The following MUSK variants were observed in gnomAD, a reference collection of about 807,000 sequenced individuals.
MUSK encodes the protein muscle, skeletal receptor tyrosine-protein kinase.
A neutral mutation model predicts 88.7 loss-of-function variants in MUSK; 55 were observed. The ratio of observed to expected loss-of-function variants is 0.62; its 90% CI spans 0.50 to 0.78. MUSK has a LOEUF of 0.78. Among genes scored for constraint, MUSK ranks in the 30% least tolerant of loss-of-function variants. MUSK has a pLI of 0.00. For synonymous variants in MUSK, 387 were observed against 391.9 expected, an observed-to-expected ratio of 0.99 and a Z score of 0.15; for missense variants, 1,015 against 1,074.3, an observed-to-expected ratio of 0.94 and a Z score of 0.77.
At chr9:110,756,849 G>C (rs920282240) in intron 7 of MUSK, among the ~76,000 whole-genome samples, 14 of 150,024 alleles carry the variant, frequency 9.3e-5, no homozygotes, top group African/African-American at 3.2e-4. Flanking sequence ...TTGTATGTGT[G>C]TGTGTGTCTG....
rs145691472 is a variant in MUSK at position 110,681,344 on chromosome 9, C to T, written c.80-1330C>T. On this transcript the variant is annotated intron_variant, in intron 1 of 14. Transcript: ENST00000374448. The stretch of plus-strand genomic sequence containing the variant: ...TTTTTATTTACTCCTTTTGTGAAGG[C>T]CTTATAAATACAGTTTTGTTCATTT... Among the ~76,000 whole-genome samples the T allele has an allele frequency of 1.3e-3, 196 of 149,450 alleles. 2 individuals carry two copies. In the East Asian group the frequency reaches 0.036, roughly 28 times the overall value.
In MUSK at chr9:110,787,743, T is replaced by C. The variant is rs751296377; in HGVS notation, c.1832T>C (p.Leu611Pro). 1 of 1,613,944 alleles carries C rather than the reference T, an allele frequency of 6.2e-7. No individual in the cohort carries two copies. The highest frequency in any genetic ancestry group is 2.2e-5 in the East Asian group (1 of 44,892). ...TTCACTATGGTGGCAGTAAAGATGC[T>C]CAAAGAAGAAGCCTCGGCAGATATG... ...EPFTMVAVKM[L>P]KEEASADMQA... Residue 611 changes from leucine (L) to proline (P), a missense_variant, in exon 14 of 15, where the codon CTC (leucine) becomes CCC (proline). Transcript: ENST00000374448.
rs575303490 is a variant in MUSK, at chr9:110,768,570, G to C, written c.1184+487G>C. 3.3e-5 allele frequency among the ~76,000 whole-genome samples: 5 copies of C among 152,136 alleles called. 1 individual carries two copies. In the South Asian group the frequency reaches 1.0e-3, roughly 31 times the overall value. ...TCACTAAAGATAACCTAAAATACAA[G>C]TACTTAGAACCTCTAGAAAATATCA... is the stretch of plus-strand genomic sequence containing the variant. On this transcript the variant is annotated intron_variant, in intron 9 of 14. Transcript: ENST00000374448.
Position 110,800,419 on chromosome 9 carries a change from A to G in MUSK, c.2041A>G (p.Ser681Gly), listed in dbSNP as rs374669213. The change falls in exon 15 of 15, where the codon AGT becomes GGT. Residue 681 changes from serine (S) to glycine (G), a missense_variant. Ser to Gly is a moderately conservative substitution (Grantham distance 56, BLOSUM62 0). Transcript: ENST00000374448. ...TCACACCGTGTGCAGCCTCAGTCAC[A>G]GTGACTTGTCTATGAGGGCTCAGGT... Reference protein sequence around the residue: ...SPHTVCSLSHSDLSMRAQVSS... With the variant: ...SPHTVCSLSHGDLSMRAQVSS... The G allele has an allele frequency of 1.2e-6, 2 of 1,613,716 alleles. No homozygotes were observed. The highest frequency in any genetic ancestry group is 2.7e-5 in the African/African-American group (2 of 74,850).
In MUSK at chr9:110,697,488, C is replaced by A. The variant is rs41279053; in HGVS notation, c.628+22C>A. On this transcript the variant is annotated intron_variant, in intron 5 of 14. Transcript: ENST00000374448. Reference sequence around the variant, plus strand: ...GAGGGTAAGGAGCTGCATTTCTTCCCCTGACTGTGTGACCAGGGGCCTCAC... The same window carrying A: ...GAGGGTAAGGAGCTGCATTTCTTCCACTGACTGTGTGACCAGGGGCCTCAC... 6 of 1,601,322 alleles carry A rather than the reference C, an allele frequency of 3.7e-6. No homozygotes were observed. The East Asian group carries it at 9.0e-5, about 24-fold the overall frequency.
chr9:110,774,276 T>A (rs2077629336), intron 9 of MUSK, among the ~76,000 whole-genome samples: 2 of 152,214 alleles, frequency 1.3e-5, no homozygotes, highest in Non-Finnish European at 1.5e-5. Flanking sequence ...TGAAGATTGT[T>A]AAGTGTTGGT....
intron 1 of MUSK, among the ~76,000 whole-genome samples, chr9:110,676,197 A>T (rs1304121070): frequency 6.6e-6 from 1 of 151,790 alleles, no homozygotes; most frequent in Non-Finnish European, 1.5e-5. Flanking sequence ...ATACAGAAAA[A>T]CAAAAATATA....
chr9:110,768,930 T>A (rs934528241), intron 9 of MUSK, among the ~76,000 whole-genome samples: 2 of 152,230 alleles, frequency 1.3e-5, no homozygotes, highest in African/African-American at 4.8e-5. Flanking sequence ...TTATGTTCAA[T>A]AGAATTATCT....
chr9:110,694,335 G>A lies in MUSK; in HGVS notation c.359-1068G>A, dbSNP rs372915719. ...CGGGAGGCGGAACTTGCAGTGGGCC[G>A]AGATCGCGCCACTGCACTCCAGCCT... is the stretch of plus-strand genomic sequence containing the variant. On this transcript the variant is annotated intron_variant, in intron 3 of 14. Transcript: ENST00000374448. Among the ~76,000 whole-genome samples the A allele has an allele frequency of 4.3e-4, 60 of 140,724 alleles. No individual in the cohort carries two copies. The East Asian group carries it at 0.01, about 24-fold the overall frequency. The allele number at this position is 140,724 out of a possible 152,430, so 92.3% of individuals were successfully genotyped here. A position where few individuals can be genotyped will look rare whatever the true frequency, so the allele number is the denominator to read the frequency against.
chr9:110,762,188 T>C lies in MUSK; in HGVS notation c.914-14T>C. The C allele has an allele frequency of 6.9e-7, 1 of 1,443,796 alleles. No homozygotes were observed. The highest frequency in any genetic ancestry group is 9.1e-7 in the Non-Finnish European group (1 of 1,093,374). The allele number at this position is 1,443,796 out of a possible 1,614,324, so 89.4% of individuals were successfully genotyped here. On this transcript the variant is annotated splice_polypyrimidine_tract_variant and intron_variant, in intron 7 of 14. Coordinates refer to ENST00000374448, the MANE Select transcript of MUSK (RefSeq NM_005592.4). ...AATTTGACTTCCTGTGGGAACTTCC[T>C]TTCCTGTTAATAGAATGGAGGTAAG...
chr9:110,718,721 G>C (rs1000349386), intron 5 of MUSK, among the ~76,000 whole-genome samples: 2 of 152,094 alleles, frequency 1.3e-5, no homozygotes, highest in African/African-American at 4.8e-5. Flanking sequence ...CCGAATACAA[G>C]AAGCTCAAAG....
intron 1 of MUSK, among the ~76,000 whole-genome samples, chr9:110,672,533 G>A (rs1381955425): frequency 1.3e-5 from 2 of 152,116 alleles, no homozygotes; most frequent in South Asian, 2.1e-4. Context: ...GAGAGTAAAG[G>A]AGTTGGAGTT....
intron 5 of MUSK, among the ~76,000 whole-genome samples, chr9:110,730,613 C>G (rs974486663): frequency 6.6e-6 from 1 of 151,942 alleles, no homozygotes; most frequent in African/African-American, 2.4e-5. Context: ...TTTGTTATTG[C>G]CGGTGTATTA....
chr9:110,736,415 G>A (rs1283593801), intron 6 of MUSK, among the ~76,000 whole-genome samples: 1 of 152,100 alleles, frequency 6.6e-6, no homozygotes, highest in Non-Finnish European at 1.5e-5. Context: ...GTTGAAGGGT[G>A]AAGTTACATA....
At chr9:110,724,458 G>A (rs1052478913) in intron 5 of MUSK, among the ~76,000 whole-genome samples, 1 of 151,890 alleles carries the variant, frequency 6.6e-6, no homozygotes, top group African/African-American at 2.4e-5. Context: ...ATTCTGTAAT[G>A]TTTTGACATT....
intron 1 of MUSK, among the ~76,000 whole-genome samples, chr9:110,675,609 G>A (rs759382377): frequency 9.4e-6 from 1 of 105,926 alleles, no homozygotes; most frequent in Non-Finnish European, 1.7e-5. Flanking sequence ...TCACTCTGTT[G>A]CCCAGGCTGG....
chr9:110,715,416 TC>T (rs1052092694), intron 5 of MUSK, among the ~76,000 whole-genome samples: 5 of 149,214 alleles, frequency 3.4e-5, no homozygotes, highest in Admixed American at 3.3e-4. Context: ...GAAGTGAGGA[TC>T]CAATTCTACC....
At chr9:110,671,651 A>G (rs148862318) in intron 1 of MUSK, among the ~76,000 whole-genome samples, 369 of 152,310 alleles carry the variant, frequency 2.4e-3, no homozygotes, top group African/African-American at 7.7e-3. Flanking sequence ...AACTAGTGAT[A>G]TTTTCAATGA....
At chr9:110,678,125 T>A (rs2076054614) in intron 1 of MUSK, among the ~76,000 whole-genome samples, 1 of 152,104 alleles carries the variant, frequency 6.6e-6, no homozygotes, top group Non-Finnish European at 1.5e-5. Flanking sequence ...TGTTTGTTTG[T>A]TTTTGAGACA....
Sources: allele counts gnomAD v4.1 joint callset (sites outside exome capture counted in the v4.1 genomes callset), GRCh38; gene constraint gnomAD v4.1.1; transcripts MANE v1.5; gene names NCBI Gene and HGNC (gene_info 2026-07-23, HGNC 2026-07-21).